The following RIMS1 variants were observed in gnomAD, a reference collection of about 807,000 sequenced individuals.
The protein encoded by RIMS1 is regulating synaptic membrane exocytosis 1.
Under a neutral mutation model 214.1 loss-of-function variants are expected in RIMS1, and 83 were observed. The observed-to-expected ratio is 0.39, with a 90% CI of 0.32 to 0.47. RIMS1 has a LOEUF of 0.47. Among genes scored for constraint, RIMS1 ranks in the 20% least tolerant of loss-of-function variants. The pLI is 0.99. For missense variants in RIMS1, 2,050 were observed against 2,161.8 expected, an observed-to-expected ratio of 0.95 and a Z score of 1.03; for synonymous variants, 793 against 786.8, an observed-to-expected ratio of 1.01 and a Z score of -0.13.
chr6:72,087,858 A>C (rs113681885), intron 2 of RIMS1, among the ~76,000 whole-genome samples: 1,809 of 152,326 alleles, frequency 0.012, 32 homozygotes, highest in African/African-American at 0.041. Flanking sequence ...ATCTGGGTGC[A>C]ATGGTTTTGG....
chr6:72,168,989 A>C (rs1431656467), intron 4 of RIMS1, among the ~76,000 whole-genome samples: 1 of 152,124 alleles, frequency 6.6e-6, no homozygotes, highest in Non-Finnish European at 1.5e-5. Context: ...AGTACTGGAC[A>C]AGAAAGTTTT....
intron 22 of RIMS1, 34 bp from the exon 23 acceptor site, chr6:72,274,315 C>T: frequency 6.8e-7 from 1 of 1,473,736 alleles, no homozygotes; most frequent in Non-Finnish European, 9.5e-7. Context: ...ACTAAATGTC[C>T]TGTTTTTTCC....
chr6:72,148,518 C>T (rs2043053472), intron 4 of RIMS1: 10 of 449,680 alleles, frequency 2.2e-5, no homozygotes, highest in Admixed American at 7.1e-5. Context: ...GGATTATTTG[C>T]ACTCACCTAA....
At chr6:72,391,734 G>GAATATAAGAACAA (rs1488817326) in intron 30 of RIMS1, among the ~76,000 whole-genome samples, 6 of 152,070 alleles carry the variant, frequency 3.9e-5, no homozygotes, top group Admixed American at 3.9e-4. Context: ...TTCCAGTAAG[G>GAATATAAGAACAA]AATATAAGAA....
At chr6:72,207,836 G>T (rs976714579) in intron 6 of RIMS1, among the ~76,000 whole-genome samples, 2 of 152,058 alleles carry the variant, frequency 1.3e-5, no homozygotes, top group African/African-American at 4.8e-5. Flanking sequence ...GATTCATAAA[G>T]ATAACATTTT....
chr6:71,994,449 C>G (rs565444764), intron 2 of RIMS1, among the ~76,000 whole-genome samples: 2 of 152,178 alleles, frequency 1.3e-5, no homozygotes, highest in East Asian at 3.9e-4. Flanking sequence ...CCTCAAGAAG[C>G]ATAAAACATA....
chr6:72,259,574 T>C (rs2077133242), intron 18 of RIMS1, among the ~76,000 whole-genome samples: 1 of 151,884 alleles, frequency 6.6e-6, no homozygotes, highest in Non-Finnish European at 1.5e-5. Context: ...GTTTCTGTTA[T>C]ATACTTCTTT....
At chr6:72,218,073 C>T (rs2056955740) in intron 6 of RIMS1, among the ~76,000 whole-genome samples, 1 of 148,920 alleles carries the variant, frequency 6.7e-6, no homozygotes, top group Admixed American at 6.7e-5. Context: ...ATGCAGTTTT[C>T]CTAATACAAG....
intron 1 of RIMS1, among the ~76,000 whole-genome samples, chr6:71,963,676 T>A (rs1196838630): frequency 6.6e-6 from 1 of 152,126 alleles, no homozygotes; most frequent in African/African-American, 2.4e-5. Flanking sequence ...AGAAAGAGAG[T>A]GAACGTTACT....
intron 10 of RIMS1, among the ~76,000 whole-genome samples, chr6:72,242,811 ATAT>A (rs2067537934): frequency 6.6e-6 from 1 of 151,898 alleles, no homozygotes; most frequent in Admixed American, 6.6e-5. Context: ...GATATTTAAA[ATAT>A]TAATGATTTC....
intron 1 of RIMS1, among the ~76,000 whole-genome samples, chr6:71,936,470 C>G (rs1464123825): frequency 3.3e-5 from 5 of 151,700 alleles, no homozygotes; most frequent in African/African-American, 1.2e-4. Flanking sequence ...CCACCTAAAG[C>G]AAAACTAATC....
intron 1 of RIMS1, among the ~76,000 whole-genome samples, chr6:71,935,560 A>C (rs1784198255): frequency 6.6e-6 from 1 of 152,236 alleles, no homozygotes; most frequent in Non-Finnish European, 1.5e-5. Flanking sequence ...TGGGCAAATT[A>C]AAGGAACAAA....
intron 4 of RIMS1, among the ~76,000 whole-genome samples, chr6:72,156,845 C>T (rs1407525428): frequency 7.1e-6 from 1 of 140,880 alleles, no homozygotes; most frequent in African/African-American, 2.5e-5. Flanking sequence ...CATTTATCCA[C>T]ATGTAATTAA....
intron 4 of RIMS1, among the ~76,000 whole-genome samples, chr6:72,120,576 C>A (rs920675788): frequency 2.4e-4 from 37 of 152,048 alleles, no homozygotes; most frequent in African/African-American, 8.4e-4. Flanking sequence ...GGGTAGATTG[C>A]AAAAATTTTC....
At chr6:72,244,744 T>A (rs999884987) in intron 10 of RIMS1, among the ~76,000 whole-genome samples, 22 of 151,884 alleles carry the variant, frequency 1.4e-4, no homozygotes, top group Admixed American at 1.4e-3. Context: ...TTAGGAAGTA[T>A]AAATTATAGT....
intron 4 of RIMS1, among the ~76,000 whole-genome samples, chr6:72,157,650 T>G (rs564718698): frequency 7.1e-6 from 1 of 140,588 alleles, no homozygotes; most frequent in African/African-American, 2.5e-5. Context: ...ACTCTATCTT[T>G]CTGTATCCTT....
chr6:72,035,691 C>G lies in RIMS1; in HGVS notation c.246-61258C>G, dbSNP rs1585329680. On this transcript the variant is annotated intron_variant, in intron 2 of 33. Transcript: ENST00000521978. Reference sequence around the variant, plus strand: ...AAGCCTCAGGTTGCCTTAGTGACTTCCCAAGAGGCTTAATTATTCACTCAT... The same window carrying G: ...AAGCCTCAGGTTGCCTTAGTGACTTGCCAAGAGGCTTAATTATTCACTCAT... Among the ~76,000 whole-genome samples the G allele has an allele frequency of 2.6e-5, 4 of 152,264 alleles. No homozygotes were observed. In the South Asian group the frequency reaches 6.2e-4, roughly 24 times the overall value.
At chr6:71,966,682 G>A (rs1049764772) in intron 1 of RIMS1, among the ~76,000 whole-genome samples, 2 of 151,870 alleles carry the variant, frequency 1.3e-5, no homozygotes, top group Non-Finnish European at 2.9e-5. Context: ...CCACACACCC[G>A]GCTAAATTTT....
At chr6:72,074,573 T>C (rs1256999591) in intron 2 of RIMS1, among the ~76,000 whole-genome samples, 1 of 152,088 alleles carries the variant, frequency 6.6e-6, no homozygotes, top group Non-Finnish European at 1.5e-5. Context: ...GCTGAGGTGG[T>C]AGAATTACCT....
Sources: gnomAD v4.1 joint callset for allele counts (sites outside exome capture counted in the v4.1 genomes callset) on GRCh38, gnomAD v4.1.1 for gene constraint, MANE v1.5 for transcripts, NCBI Gene and HGNC (gene_info 2026-07-23, HGNC 2026-07-21) for gene names.